Variants in NR3C2 observed in about 807,000 individuals in gnomAD.
NR3C2 encodes the protein mineralocorticoid receptor.
Under a neutral mutation model 86.4 loss-of-function variants are expected in NR3C2, and 15 were observed. That is an observed-to-expected ratio of 0.17 (90% confidence interval 0.12 to 0.27). The LOEUF (loss-of-function observed/expected upper bound fraction) is 0.27, where lower values mean the gene tolerates loss of function less well. Ranked by LOEUF, NR3C2 falls within the 10% of genes least tolerant of loss-of-function variation. The probability of loss-of-function intolerance (pLI) is 1.00; values close to 1 mark genes in which losing one functional copy is unlikely to be tolerated. For missense variants in NR3C2, 960 were observed against 1,195.6 expected, an observed-to-expected ratio of 0.80 and a Z score of 2.91; for synonymous variants, 458 against 450.5, an observed-to-expected ratio of 1.02 and a Z score of -0.21.
At chr4:148,313,831 T>TC (rs2149940141) in intron 2 of NR3C2, among the ~76,000 whole-genome samples, 1 of 152,336 alleles carries the variant, frequency 6.6e-6, no homozygotes, top group African/African-American at 2.4e-5. Context: ...CTTGCTAAGT[T>TC]CAACAGTATT....
intron 2 of NR3C2, among the ~76,000 whole-genome samples, chr4:148,367,644 T>C (rs1579213277): frequency 6.6e-6 from 1 of 152,078 alleles, no homozygotes; most frequent in East Asian, 1.9e-4. Flanking sequence ...CAACCTAATA[T>C]CCATAAAATC....
rs745706542 is a variant in NR3C2, at chr4:148,435,194, A to G, written c.1667T>C (p.Leu556Ser). 7 of 1,614,150 alleles carry G rather than the reference A, an allele frequency of 4.3e-6. No individual in the cohort carries two copies. In the South Asian group the frequency reaches 5.5e-5, roughly 13 times the overall value. The change falls in exon 2 of 9, where the codon TTA becomes TCA. Residue 556 changes from leucine (L) to serine (S), a missense_variant. Coordinates refer to ENST00000358102, the MANE Select transcript of NR3C2 (RefSeq NM_000901.5). Reference sequence around the variant, plus strand: ...GCCGTGTGATTTCCATGACTCCACTAAAGTATTGACAGGAGGAAAGGAACT... The same window carrying G: ...GCCGTGTGATTTCCATGACTCCACTGAAGTATTGACAGGAGGAAAGGAACT... Reference protein sequence around the residue: ...HLSSFPPVNTLVESWKSHGDL... With the variant: ...HLSSFPPVNTSVESWKSHGDL...
intron 4 of NR3C2, among the ~76,000 whole-genome samples, chr4:148,188,604 T>C (rs1484751388): frequency 6.6e-6 from 1 of 152,164 alleles, no homozygotes; most frequent in Non-Finnish European, 1.5e-5. Context: ...CGTTGCTGAA[T>C]TCTTTTATCA....
chr4:148,331,618 GC>G (rs1336713166), intron 2 of NR3C2, among the ~76,000 whole-genome samples: 1 of 152,164 alleles, frequency 6.6e-6, no homozygotes, highest in Non-Finnish European at 1.5e-5. Context: ...ATGAAAAACT[GC>G]CATTTCCATA....
chr4:148,350,004 T>C (rs1043584386), intron 2 of NR3C2, among the ~76,000 whole-genome samples: 3 of 152,288 alleles, frequency 2.0e-5, no homozygotes, highest in African/African-American at 4.8e-5. Context: ...AAATACAATA[T>C]AGTTTTCTTT....
At chr4:148,203,212 C>A (rs1736818881) in intron 3 of NR3C2, among the ~76,000 whole-genome samples, 2 of 151,956 alleles carry the variant, frequency 1.3e-5, no homozygotes. Context: ...AACATGGGAA[C>A]TATATGTTTC....
At chr4:148,083,287 A>C (rs957540569) in intron 8 of NR3C2, among the ~76,000 whole-genome samples, 10 of 152,114 alleles carry the variant, frequency 6.6e-5, no homozygotes, top group African/African-American at 2.4e-4. Context: ...ACAAAGAGAC[A>C]CCTCATACAG....
intron 6 of NR3C2, among the ~76,000 whole-genome samples, chr4:148,135,072 C>G (rs1733235409): frequency 6.6e-6 from 1 of 151,974 alleles, no homozygotes; most frequent in Middle Eastern, 3.2e-3. Flanking sequence ...TGGAGGGTGG[C>G]AGAATGTGAG....
chr4:148,364,868 T>A (rs1281218726), intron 2 of NR3C2, among the ~76,000 whole-genome samples: 1 of 151,694 alleles, frequency 6.6e-6, no homozygotes, highest in African/African-American at 2.4e-5. Context: ...ATATTGGGGA[T>A]GGGACCCAAG....
chr4:148,358,350 T>G (rs1745658806), intron 2 of NR3C2, among the ~76,000 whole-genome samples: 1 of 151,832 alleles, frequency 6.6e-6, no homozygotes, highest in Non-Finnish European at 1.5e-5. Context: ...AAATCATCAT[T>G]GTCAGTCAAA....
At chr4:148,200,404 G>A (rs912849321) in intron 3 of NR3C2, among the ~76,000 whole-genome samples, 4 of 150,012 alleles carry the variant, frequency 2.7e-5, no homozygotes, top group Admixed American at 1.3e-4. Flanking sequence ...AAGCTACAAG[G>A]AGTTGCATGA....
intron 2 of NR3C2, among the ~76,000 whole-genome samples, chr4:148,283,727 A>C (rs1030852479): frequency 1.2e-4 from 19 of 152,270 alleles, no homozygotes; most frequent in African/African-American, 4.6e-4. Flanking sequence ...ATAATAAAAA[A>C]TAACATAACT....
upstream of NR3C2, chr4:148,443,933 G>C (rs1281389235): frequency 5.3e-6 from 5 of 938,586 alleles, no homozygotes; most frequent in African/African-American, 8.9e-5. Flanking sequence ...GGGCGACAGC[G>C]GCAGCGCCGC....
chr4:148,350,001 A>G (rs545746163), intron 2 of NR3C2, among the ~76,000 whole-genome samples: 1 of 152,330 alleles, frequency 6.6e-6, no homozygotes, highest in East Asian at 1.9e-4. Context: ...ACCAAATACA[A>G]TATAGTTTTC....
chr4:148,108,953 C>T (rs773854050), intron 8 of NR3C2, among the ~76,000 whole-genome samples: 1 of 152,168 alleles, frequency 6.6e-6, no homozygotes, highest in African/African-American at 2.4e-5. Flanking sequence ...CCCTAACATT[C>T]CTATATGATG....
intron 3 of NR3C2, among the ~76,000 whole-genome samples, chr4:148,207,816 T>C (rs537333885): frequency 1.3e-5 from 2 of 152,316 alleles, no homozygotes; most frequent in East Asian, 1.9e-4. Context: ...CTATATATAC[T>C]GTGTTTTCCT....
intron 6 of NR3C2, among the ~76,000 whole-genome samples, chr4:148,147,174 A>G (rs1395228151): frequency 6.6e-6 from 1 of 152,248 alleles, no homozygotes; most frequent in East Asian, 1.9e-4. Flanking sequence ...TTAGTAAAAA[A>G]TTAGAAAGAA....
chr4:148,149,982 A>T (rs371201651), intron 6 of NR3C2, among the ~76,000 whole-genome samples: 4 of 152,202 alleles, frequency 2.6e-5, no homozygotes, highest in African/African-American at 9.7e-5. Context: ...CTGTGGAAAG[A>T]GTGTGGTGTC....
intron 2 of NR3C2, among the ~76,000 whole-genome samples, chr4:148,414,719 G>A (rs988591634): frequency 3.9e-5 from 6 of 152,166 alleles, no homozygotes; most frequent in African/African-American, 7.2e-5. Flanking sequence ...GATGTTAGAC[G>A]TGAGAGCTTC....
Sources: allele counts gnomAD v4.1 joint callset (sites outside exome capture counted in the v4.1 genomes callset), GRCh38; gene constraint gnomAD v4.1.1; transcripts MANE v1.5; gene names NCBI Gene and HGNC (gene_info 2026-07-23, HGNC 2026-07-21).